The following ADGRV1 variants were observed in gnomAD, a reference collection of about 807,000 sequenced individuals.
The protein encoded by ADGRV1 is adhesion G protein-coupled receptor V1.
In ADGRV1, 359 loss-of-function variants were observed where a neutral mutation model predicts 596.2. The observed-to-expected ratio is 0.60, with a 90% CI of 0.55 to 0.66. The LOEUF is 0.66. ADGRV1 is among the 30% of genes least tolerant of loss of function. The pLI is 0.00. For synonymous variants in ADGRV1, 2,681 were observed against 2,679.2 expected, an observed-to-expected ratio of 1.00 and a Z score of -0.02; for missense variants, 7,274 against 7,575.6, an observed-to-expected ratio of 0.96 and a Z score of 1.48.
intron 75 of ADGRV1, among the ~76,000 whole-genome samples, chr5:90,816,669 T>A (rs1762930107): frequency 6.6e-6 from 1 of 151,634 alleles, no homozygotes; most frequent in Non-Finnish European, 1.5e-5. Context: ...GTGTTTGGTT[T>A]TTTGTCCTTG....
chr5:90,611,759 T>C (rs377642820), intron 1 of ADGRV1, among the ~76,000 whole-genome samples: 26 of 152,106 alleles, frequency 1.7e-4, no homozygotes, highest in Non-Finnish European at 7.4e-5. Flanking sequence ...TTAAGACTTA[T>C]GTGCTGTGTC....
At chr5:91,119,401 T>A (rs531145850) in intron 87 of ADGRV1, among the ~76,000 whole-genome samples, 26 of 152,272 alleles carry the variant, frequency 1.7e-4, no homozygotes, top group African/African-American at 5.5e-4. Flanking sequence ...TGCTGTGCAG[T>A]CCACGGGAGT....
At chr5:90,821,823 G>T (rs1338908578) in intron 75 of ADGRV1, among the ~76,000 whole-genome samples, 1 of 151,996 alleles carries the variant, frequency 6.6e-6, no homozygotes, top group East Asian at 1.9e-4. Context: ...CTTCAAAGCT[G>T]TCAGACAGGG....
intron 85 of ADGRV1, among the ~76,000 whole-genome samples, chr5:91,035,861 T>TTATATATATATATATATATATATA (rs1554202360): frequency 4.1e-5 from 4 of 96,400 alleles, no homozygotes; most frequent in African/African-American, 1.5e-4. Context: ...TATATATATA[T>TTATATATATATATATATATATATA]TATATATATA....
Position 90,847,545 on chromosome 5 carries a change from G to A in ADGRV1, c.17020-1092G>A, listed in dbSNP as rs563111511. Among the ~76,000 whole-genome samples, 28 of 152,350 alleles carry A rather than the reference G, an allele frequency of 1.8e-4. No individual in the cohort carries two copies. In the East Asian group the frequency reaches 5.4e-3, roughly 29 times the overall value. On this transcript the variant is annotated intron_variant, in intron 78 of 89. Transcript: ENST00000405460. The stretch of plus-strand genomic sequence containing the variant: ...TCCTCAGCCCTTGGGCGGTTGATGG[G>A]ACTGGGTGCCCTGGAGCAGGGGGAG...
chr5:90,984,727 T>A (rs568345770), intron 84 of ADGRV1, among the ~76,000 whole-genome samples: 1 of 152,180 alleles, frequency 6.6e-6, no homozygotes. Context: ...ATATTTGTCA[T>A]GTGAATGAAC....
intron 86 of ADGRV1, among the ~76,000 whole-genome samples, chr5:91,086,041 A>C (rs1789844519): frequency 6.6e-6 from 1 of 152,136 alleles, no homozygotes; most frequent in Admixed American, 6.5e-5. Flanking sequence ...ATCAGTACTG[A>C]TAACCAGCCT....
chr5:90,618,028 C>T, intron 3 of ADGRV1, 75 bp downstream of exon 3: 1 of 1,162,668 alleles, frequency 8.6e-7, no homozygotes, highest in Non-Finnish European at 1.2e-6. Flanking sequence ...TAGTGCTTAA[C>T]AATCTATCTA....
intron 61 of ADGRV1, among the ~76,000 whole-genome samples, chr5:90,776,782 A>C (rs1332268381): frequency 2.0e-5 from 3 of 152,156 alleles, no homozygotes; most frequent in Admixed American, 2.0e-4. Flanking sequence ...GATCATGAGA[A>C]GGTTTCTGAC....
At position 90,789,804 on chromosome 5, in the gene ADGRV1, A is replaced by G. The variant is rs765672841; in HGVS notation, c.13996A>G (p.Ile4666Val). 331 of 1,505,890 alleles carry G rather than the reference A, an allele frequency of 2.2e-4. 3 individuals carry two copies. In the East Asian group the frequency reaches 7.2e-3, roughly 33 times the overall value. 93.3% of individuals were successfully genotyped at this position (1,505,890 alleles called of 1,614,324 possible). A position where few individuals can be genotyped will look rare whatever the true frequency, so the allele number is the denominator to read the frequency against. ...TCTGGCTCTGGAAGGGCCCCTGCTCATTACCTTCTTTGTCAGAAGAGTCAA... is the reference window on the plus strand; with the variant it reads ...TCTGGCTCTGGAAGGGCCCCTGCTCGTTACCTTCTTTGTCAGAAGAGTCAA... ...EPLALEGPLLITFFVRRVKGT... is the reference protein window; with the variant it reads ...EPLALEGPLLVTFFVRRVKGT... The change falls in exon 69 of 90, where the codon ATT becomes GTT. Residue 4666 changes from isoleucine (I) to valine (V), a missense_variant. Physicochemically the swap from Ile to Val is conservative, Grantham distance 29. This residue lies in a region of ADGRV1 where 4 missense variants were observed against 20.7 expected (regional missense o/e 0.19). Transcript: ENST00000405460.
At chr5:90,604,784 C>T (rs2152030569) in intron 1 of ADGRV1, among the ~76,000 whole-genome samples, 1 of 152,258 alleles carries the variant, frequency 6.6e-6, no homozygotes, top group Middle Eastern at 3.4e-3. Flanking sequence ...GAGACACTGT[C>T]ACATACTCAG....
intron 1 of ADGRV1, among the ~76,000 whole-genome samples, chr5:90,561,331 A>T (rs1754803842): frequency 6.6e-6 from 1 of 152,172 alleles, no homozygotes; most frequent in South Asian, 2.1e-4. Context: ...TTTATATTTG[A>T]GGTAAAAGAG....
intron 82 of ADGRV1, among the ~76,000 whole-genome samples, chr5:90,862,787 T>G (rs1034575256): frequency 6.6e-6 from 1 of 151,608 alleles, no homozygotes; most frequent in Admixed American, 6.6e-5. Flanking sequence ...ACTCAAATGG[T>G]TTCTCAAAAA....
At chr5:90,929,941 T>C (rs1196159852) in intron 83 of ADGRV1, among the ~76,000 whole-genome samples, 9 of 152,266 alleles carry the variant, frequency 5.9e-5, no homozygotes, top group Non-Finnish European at 1.2e-4. Context: ...TCTGCTTGTA[T>C]TTTAGTTTAG....
At chr5:90,909,533 C>G (rs1439045747) in intron 83 of ADGRV1, among the ~76,000 whole-genome samples, 1 of 151,888 alleles carries the variant, frequency 6.6e-6, no homozygotes, top group Admixed American at 6.6e-5. Flanking sequence ...GGTCTCTTGC[C>G]CAGCTTCTTG....
At chr5:90,841,276 A>G (rs1007788602) in intron 78 of ADGRV1, among the ~76,000 whole-genome samples, 1 of 152,144 alleles carries the variant, frequency 6.6e-6, no homozygotes, top group African/African-American at 2.4e-5. Flanking sequence ...AGCTATAGGC[A>G]GTTGGCGACT....
rs752016882 is a variant in ADGRV1 at position 90,725,052 on chromosome 5, A to C, written c.9907-34A>C. ...TGTGCAGATAAATTTTAGATGTATA[A>C]TGAATAACTGTATTCTTATTCCTCA... On this transcript the variant is annotated intron_variant, in intron 46 of 89. Coordinates refer to ENST00000405460, the MANE Select transcript of ADGRV1 (RefSeq NM_032119.4). 4 of 1,527,232 alleles carry C rather than the reference A, an allele frequency of 2.6e-6. No homozygotes were observed. In the South Asian group the frequency reaches 4.9e-5, roughly 19 times the overall value. 94.6% of individuals were successfully genotyped at this position (1,527,232 alleles called of 1,614,324 possible). A position where few individuals can be genotyped will look rare whatever the true frequency, so the allele number is the denominator to read the frequency against.
rs13158963 is a variant in ADGRV1, at chr5:91,153,337, G to T, written c.18741G>T (p.Gly6247=). The T allele has an allele frequency of 6.2e-7, 1 of 1,611,704 alleles. No individual in the cohort carries two copies. Among genetic ancestry groups the T allele is most frequent in the African/African-American group, 1.3e-5 (1 of 74,838 alleles). Reference sequence around the variant, plus strand: ...CGTCCTCTGGAGGATATGGCCAGGGGTCACTGATAGCCGATGAGGAGTCCC... The same window carrying T: ...CGTCCTCTGGAGGATATGGCCAGGGTTCACTGATAGCCGATGAGGAGTCCC... ...TFPSSGGYGQ[G]SLIADEESQE... is the part of the protein sequence containing the mutation. Residue 6247 remains glycine, a synonymous_variant, in exon 89 of 90, where the codon GGG becomes GGT. Transcript: ENST00000405460.
At chr5:91,109,594 G>A (rs978576268) in intron 87 of ADGRV1, among the ~76,000 whole-genome samples, 1 of 152,126 alleles carries the variant, frequency 6.6e-6, no homozygotes, top group African/African-American at 2.4e-5. Context: ...TGATCATGGT[G>A]GCTGCCACGG....
Sources: gnomAD v4.1 joint callset for allele counts (sites outside exome capture counted in the v4.1 genomes callset) on GRCh38, gnomAD v4.1.1 for gene constraint, gnomAD v4.1.1 regional missense constraint, MANE v1.5 for transcripts, NCBI Gene and HGNC (gene_info 2026-07-23, HGNC 2026-07-21) for gene names.